SNX1: variants seen among roughly 807,000 people sequenced by gnomAD.
SNX1 encodes sorting nexin 1.
Under a neutral mutation model 71.8 loss-of-function variants are expected in SNX1, and 36 were observed. That is an observed-to-expected ratio of 0.50 (90% CI 0.38 to 0.66). The LOEUF (loss-of-function observed/expected upper bound fraction) is 0.66. Among genes scored for constraint, SNX1 ranks in the 30% least tolerant of loss-of-function variants. The pLI, the probability that SNX1 is intolerant of heterozygous loss-of-function variation, is 0.00. For missense variants in SNX1, 612 were observed against 646.7 expected, an observed-to-expected ratio of 0.95 and a Z score of 0.58; for synonymous variants, 254 against 240.7, an observed-to-expected ratio of 1.06 and a Z score of -0.51.
rs903081004 is a variant in SNX1 at position 64,138,165 on chromosome 15, T to A, written c.*547T>A. On this transcript the variant is annotated 3_prime_UTR_variant, in exon 15 of 15. Transcript: ENST00000559844. ...TGCTTCCCTCTGGAAATGGGGTTTCTTTCTCTCCGCCTACCTCAGCTACCT... is the reference window on the plus strand; with the variant it reads ...TGCTTCCCTCTGGAAATGGGGTTTCATTCTCTCCGCCTACCTCAGCTACCT... 72 of 1,535,436 alleles carry A rather than the reference T, an allele frequency of 4.7e-5. No individual in the cohort carries two copies. Among genetic ancestry groups the A allele is most frequent in the Non-Finnish European group, 5.8e-5 (67 of 1,146,868 alleles).
chr15:64,116,921 C>T (rs1011074777), intron 2 of SNX1, among the ~76,000 whole-genome samples: 2 of 152,204 alleles, frequency 1.3e-5, no homozygotes, highest in African/African-American at 2.4e-5. Context: ...AGCCCTTAAG[C>T]ACTGTTTTTT....
intron 1 of SNX1, among the ~76,000 whole-genome samples, chr15:64,098,683 C>G (rs1401125351): frequency 1.5e-5 from 2 of 131,678 alleles, no homozygotes; most frequent in Admixed American, 8.1e-5. Context: ...CAGCAAGACT[C>G]TCTCTCAAAA....
In SNX1 at chr15:64,131,802, T is replaced by G. The variant is rs750366999; in HGVS notation, c.1131T>G (p.Ile377Met). The G allele has an allele frequency of 1.5e-5, 24 of 1,614,072 alleles. No individual in the cohort carries two copies. Among genetic ancestry groups the G allele is most frequent in the Non-Finnish European group, 2.0e-5 (24 of 1,180,040 alleles). The stretch of plus-strand genomic sequence containing the variant: ...AGCTGGCTGAGGTGGAAGAAAAAAT[T>G]GAGCAGCTCCACCAGGAACAGGCCA... ...LSQLAEVEEK[I>M]EQLHQEQANN... is the part of the protein sequence containing the mutation. The change falls in exon 11 of 15, where the codon ATT (isoleucine) becomes ATG (methionine). Residue 377 changes from isoleucine to methionine, a missense_variant. Coordinates refer to ENST00000559844, the MANE Select transcript of SNX1 (RefSeq NM_003099.5).
At chr15:64,121,679 A>G (rs937717122) in intron 4 of SNX1, among the ~76,000 whole-genome samples, 2 of 152,240 alleles carry the variant, frequency 1.3e-5, no homozygotes, top group African/African-American at 4.8e-5. Flanking sequence ...ACAGAGAGTA[A>G]TTTAAACAGC....
chr15:64,117,812 A>T (rs2081146574), intron 2 of SNX1, among the ~76,000 whole-genome samples: 1 of 152,076 alleles, frequency 6.6e-6, no homozygotes. Context: ...AAAATTGATA[A>T]ACTTATTTTG....
At chr15:64,123,668 C>A in intron 5 of SNX1, 122 bp downstream of exon 5, 2 of 771,832 alleles carry the variant, frequency 2.6e-6, no homozygotes, top group Non-Finnish European at 4.4e-6. Flanking sequence ...CATGTTTACT[C>A]AAGATAGAGC....
rs1313975161 is a variant in SNX1 at position 64,141,645 on chromosome 15, G to A, written c.*4027G>A. The A allele has an allele frequency of 6.6e-6, 1 of 152,308 alleles. No homozygotes were observed. The highest frequency in any genetic ancestry group is 6.5e-5 in the Admixed American group (1 of 15,270). The allele number at this position is 152,308 out of a possible 1,614,324, so 9.4% of individuals were successfully genotyped here. A position where few individuals can be genotyped will look rare whatever the true frequency, so the allele number is the denominator to read the frequency against. On this transcript the variant is annotated 3_prime_UTR_variant, in exon 15 of 15. Transcript: ENST00000559844. The surrounding 1 kb of genome is among the most constrained non-coding windows in gnomAD (Gnocchi z 5.1). ...TGGCTTGGTGTAGGGTAAAGTCAGT[G>A]AGGCCCATGGAGAAAAACGAGCAGG... is the stretch of plus-strand genomic sequence containing the variant.
chr15:64,138,344 T>A lies in SNX1; in HGVS notation c.*726T>A. 1.6e-6 allele frequency: 1 copy of A among 643,184 alleles called. No individual in the cohort carries two copies. Among genetic ancestry groups the A allele is most frequent in the Non-Finnish European group, 2.5e-6 (1 of 406,902 alleles). The allele number at this position is 643,184 out of a possible 1,614,324, so 39.8% of individuals were successfully genotyped here. A position where few individuals can be genotyped will look rare whatever the true frequency, so the allele number is the denominator to read the frequency against. On this transcript the variant is annotated 3_prime_UTR_variant, in exon 15 of 15. Coordinates refer to ENST00000559844, the MANE Select transcript of SNX1 (RefSeq NM_003099.5). The stretch of plus-strand genomic sequence containing the variant: ...CTCTCTCTTTTTTTTTTTTTTTTGG[T>A]GTCCCTATCATTAAGCAAGAGCCTT...
Position 64,141,158 on chromosome 15 carries a change from C to T in SNX1, c.*3540C>T, listed in dbSNP as rs1596015337. 6.6e-6 allele frequency: 1 copy of T among 152,170 alleles called. No individual in the cohort carries two copies. The highest frequency in any genetic ancestry group is 2.4e-5 in the African/African-American group (1 of 41,434). The allele number at this position is 152,170 out of a possible 1,614,324, so 9.4% of individuals were successfully genotyped here. A position where few individuals can be genotyped will look rare whatever the true frequency, so the allele number is the denominator to read the frequency against. On this transcript the variant is annotated 3_prime_UTR_variant, in exon 15 of 15. Transcript: ENST00000559844. This position sits in a 1 kb window ranked among gnomAD's most constrained non-coding sequence, Gnocchi z 5.1. ...TGAGACCAGCCCTGTAGGTTTATTC[C>T]AGTCTGCCCCCTTTTCCATGTTGTT...
At chr15:64,128,822 A>G (rs2081278617) in intron 8 of SNX1, among the ~76,000 whole-genome samples, 1 of 152,098 alleles carries the variant, frequency 6.6e-6, no homozygotes, top group Non-Finnish European at 1.5e-5. Flanking sequence ...TATGCATTGT[A>G]GAGGGTTTTA....
At position 64,134,654 on chromosome 15, in the gene SNX1, AC is replaced by A; in HGVS notation, c.1222-5del. ...GCTGGTTGTGCTCCTCCTCAACCCC[AC>A]CCCCACAGGCTGCCTTCGACCAGCG... On this transcript the variant is annotated splice_polypyrimidine_tract_variant and intron_variant, in intron 11 of 14. Coordinates refer to ENST00000559844, the MANE Select transcript of SNX1 (RefSeq NM_003099.5). This position sits in a 1 kb window ranked among gnomAD's most constrained non-coding sequence, Gnocchi z 4.1. The A allele has an allele frequency of 3.7e-6, 6 of 1,607,028 alleles. No individual in the cohort carries two copies. Among genetic ancestry groups the A allele is most frequent in the Middle Eastern group, 2.0e-4 (1 of 4,906 alleles).
rs928596912 is a variant in SNX1 at position 64,139,324 on chromosome 15, T to G, written c.*1706T>G. ...TGTACCATAATTTTGATTCATCCCT[T>G]GTTGTTGGATTCTTGGTCAGGGGTT... On this transcript the variant is annotated 3_prime_UTR_variant, in exon 15 of 15. Coordinates refer to ENST00000559844, the MANE Select transcript of SNX1 (RefSeq NM_003099.5). 2.9e-5 allele frequency: 4 copies of G among 139,512 alleles called. No individual in the cohort carries two copies. The highest frequency in any genetic ancestry group is 6.1e-5 in the Non-Finnish European group (4 of 65,440). The allele number at this position is 139,512 out of a possible 1,614,324, so 8.6% of individuals were successfully genotyped here.
Position 64,130,166 on chromosome 15 carries a change from A to G in SNX1, c.922-62A>G, listed in dbSNP as rs1359900711. 13 of 1,519,090 alleles carry G rather than the reference A, an allele frequency of 8.6e-6. No individual in the cohort carries two copies. The East Asian group carries it at 1.4e-4, about 16-fold the overall frequency. 94.1% of individuals were successfully genotyped at this position (1,519,090 alleles called of 1,614,324 possible). On this transcript the variant is annotated intron_variant, in intron 9 of 14. Transcript: ENST00000559844. The stretch of plus-strand genomic sequence containing the variant: ...TCCCTTTTTGAGAAACAACTGCTAA[A>G]GAAAGACTGTACTGCACCCATAAAA...
Position 64,140,053 on chromosome 15 carries a change from A to G in SNX1, c.*2435A>G, listed in dbSNP as rs2081398077. On this transcript the variant is annotated 3_prime_UTR_variant, in exon 15 of 15. Transcript: ENST00000559844. ...CACCGCTTAGGTTGGTGTCTGCCAG[A>G]TTTCATTTTAAATTTACGATTTCCT... The G allele has an allele frequency of 1.3e-5, 2 of 152,236 alleles. No individual in the cohort carries two copies. The highest frequency in any genetic ancestry group is 4.8e-5 in the African/African-American group (2 of 41,454). The allele number at this position is 152,236 out of a possible 1,614,324, so 9.4% of individuals were successfully genotyped here.
In SNX1 at chr15:64,136,936, T is replaced by C; in HGVS notation, c.1518+4T>C. The C allele has an allele frequency of 6.2e-7, 1 of 1,612,614 alleles. No individual in the cohort carries two copies. Among genetic ancestry groups the C allele is most frequent in the South Asian group, 1.1e-5 (1 of 91,012 alleles). Reference sequence around the variant, plus strand: ...ACTCCTTTACTCACAGCAGCAGGTATGTAAGTTGTGTGTGACCTTCATCCT... The same window carrying C: ...ACTCCTTTACTCACAGCAGCAGGTACGTAAGTTGTGTGTGACCTTCATCCT... On this transcript the variant is annotated splice_donor_region_variant and intron_variant, in intron 14 of 14. Coordinates refer to ENST00000559844, the MANE Select transcript of SNX1 (RefSeq NM_003099.5).
At position 64,141,265 on chromosome 15, in the gene SNX1, T is replaced by C. The variant is rs553121204; in HGVS notation, c.*3647T>C. 1 of 152,360 alleles carries C rather than the reference T, an allele frequency of 6.6e-6. No homozygotes were observed. The highest frequency in any genetic ancestry group is 2.1e-4 in the South Asian group (1 of 4,828). 9.4% of individuals were successfully genotyped at this position (152,360 alleles called of 1,614,324 possible). ...TGATCATTCTGACGTAAGTCTGTTT[T>C]TCTTATTTCCTTGGAATGATGTCTC... On this transcript the variant is annotated 3_prime_UTR_variant, in exon 15 of 15. Transcript: ENST00000559844. This position sits in a 1 kb window ranked among gnomAD's most constrained non-coding sequence, Gnocchi z 5.1.
chr15:64,111,767 G>A (rs538505148), intron 1 of SNX1, among the ~76,000 whole-genome samples: 2 of 152,250 alleles, frequency 1.3e-5, no homozygotes, highest in East Asian at 1.9e-4. Context: ...CTGCCCTTAG[G>A]GTCTGACTTC....
Position 64,126,177 on chromosome 15 carries a change from G to A in SNX1, c.609G>A (p.Gln203=). ...LYEKLSEKHS[Q]NGFIVPPPPE... ...AGAAGCTTTCCGAGAAGCACTCTCA[G>A]AATGGCTTCATTGTCCCTCCGCCCC... The change falls in exon 6 of 15, where the codon CAG becomes CAA. Residue 203 remains glutamine, a synonymous_variant. Transcript: ENST00000559844. 6.2e-7 allele frequency: 1 copy of A among 1,614,152 alleles called. No homozygotes were observed. Among genetic ancestry groups the A allele is most frequent in the Non-Finnish European group, 8.5e-7 (1 of 1,180,004 alleles).
chr15:64,104,953 G>C (rs2081004311), intron 1 of SNX1, among the ~76,000 whole-genome samples: 1 of 151,506 alleles, frequency 6.6e-6, no homozygotes, highest in South Asian at 2.1e-4. Context: ...TAGGGTTTGG[G>C]GCCGGGCACG....
Sources: gnomAD v4.1 joint callset for allele counts (sites outside exome capture counted in the v4.1 genomes callset) on GRCh38, gnomAD v4.1.1 for gene constraint, Gnocchi (gnomAD v3.1) non-coding constraint, MANE v1.5 for transcripts, NCBI Gene and HGNC (gene_info 2026-07-23, HGNC 2026-07-21) for gene names.